Variants in RGS6 observed in about 807,000 individuals in gnomAD.
RGS6 encodes regulator of G protein signaling 6.
In RGS6, 30 loss-of-function variants were observed where a neutral mutation model predicts 78.5. The observed-to-expected ratio is 0.38, with a 90% CI of 0.29 to 0.52. The LOEUF is 0.52. Among genes scored for constraint, RGS6 ranks in the 20% least tolerant of loss-of-function variants. The pLI is 0.85. For missense variants in RGS6, 495 were observed against 609.7 expected (o/e 0.81, Z 1.98); for synonymous variants, 206 against 206.0 (o/e 1.00, Z 0.00).
chr14:72,579,921 A>G, the RGS6 span, among the ~76,000 whole-genome samples: 1 of 152,196 alleles, frequency 6.6e-6, no homozygotes, highest in African/African-American at 2.4e-5. Flanking sequence ...CACGAATTGA[A>G]TCATAGAGAT....
At chr14:72,217,185 C>T (rs774683033) in intron 2 of RGS6, among the ~76,000 whole-genome samples, 18 of 152,050 alleles carry the variant, frequency 1.2e-4, no homozygotes, top group Non-Finnish European at 2.2e-4. Context: ...TAGCATTAGC[C>T]GTCTGTGGTG....
intron 2 of RGS6, among the ~76,000 whole-genome samples, chr14:72,346,724 G>A (rs1415875237): frequency 6.6e-6 from 1 of 152,186 alleles, no homozygotes; most frequent in Non-Finnish European, 1.5e-5. Context: ...ACTTGTCCCA[G>A]GTCAACACAG....
intron 2 of RGS6, among the ~76,000 whole-genome samples, chr14:72,207,136 T>C (rs1436145065): frequency 6.6e-6 from 1 of 152,232 alleles, no homozygotes; most frequent in Non-Finnish European, 1.5e-5. Flanking sequence ...ATGTAATCTC[T>C]CTGCCCAAAT....
the RGS6 span, among the ~76,000 whole-genome samples, chr14:72,599,180 A>C: frequency 3.9e-5 from 6 of 152,074 alleles, no homozygotes; most frequent in East Asian, 9.6e-4. Flanking sequence ...CCCCAACAAA[A>C]TTTTAGATGG....
At chr14:72,012,107 A>G (rs902248754) in intron 2 of RGS6, among the ~76,000 whole-genome samples, 6 of 152,360 alleles carry the variant, frequency 3.9e-5, no homozygotes, top group African/African-American at 1.2e-4. Context: ...TAGGCATTTT[A>G]TAAATAGTCT....
At chr14:71,906,891 A>G in the RGS6 span, among the ~76,000 whole-genome samples, 1 of 145,306 alleles carries the variant, frequency 6.9e-6, no homozygotes, top group Non-Finnish European at 1.5e-5. Flanking sequence ...TCCCACCAAA[A>G]TGACTAAGGC....
chr14:72,322,519 A>C (rs1315066699), intron 2 of RGS6, among the ~76,000 whole-genome samples: 1 of 152,112 alleles, frequency 6.6e-6, no homozygotes, highest in Non-Finnish European at 1.5e-5. Flanking sequence ...ATTTAAACCA[A>C]GTGAAAGCAT....
chr14:71,948,740 CTTTT>C (rs71305831), intron 1 of RGS6, among the ~76,000 whole-genome samples: 21 of 65,162 alleles, frequency 3.2e-4, no homozygotes, highest in South Asian at 9.0e-4. Flanking sequence ...CTCTCTCTCT[CTTTT>C]TTTTTTTTTT....
At chr14:71,890,241 G>T in the RGS6 span, among the ~76,000 whole-genome samples, 2 of 152,186 alleles carry the variant, frequency 1.3e-5, no homozygotes, top group African/African-American at 4.8e-5. Flanking sequence ...TCATTTTAAT[G>T]CTACGTGGAA....
intron 2 of RGS6, among the ~76,000 whole-genome samples, chr14:72,272,869 C>A (rs2060146156): frequency 6.6e-6 from 1 of 152,192 alleles, no homozygotes; most frequent in Non-Finnish European, 1.5e-5. Flanking sequence ...AATCCCAACA[C>A]TTAGGGAGGC....
chr14:71,921,120 C>G, the RGS6 span, among the ~76,000 whole-genome samples: 3 of 152,266 alleles, frequency 2.0e-5, no homozygotes, highest in Admixed American at 6.5e-5. Flanking sequence ...CATCACTAAT[C>G]ATCAGAGAAA....
chr14:72,213,463 ACCC>A (rs1198931844), intron 2 of RGS6, among the ~76,000 whole-genome samples: 2 of 151,980 alleles, frequency 1.3e-5, no homozygotes, highest in Admixed American at 1.3e-4. Context: ...CTGAACGTTT[ACCC>A]CCCTGTGATC....
rs534237517 is a variant in RGS6 at position 72,341,506 on chromosome 14, T to C, written c.85-10589T>C. On this transcript the variant is annotated intron_variant, in intron 2 of 17. Transcript: ENST00000553525. Reference sequence around the variant, plus strand: ...CAAGTTTCCTGGAGGAAGTAGCTTTTGAGCAGGGCCTAGAAGCATGCCAAG... The same window carrying C: ...CAAGTTTCCTGGAGGAAGTAGCTTTCGAGCAGGGCCTAGAAGCATGCCAAG... Among the ~76,000 whole-genome samples the C allele has an allele frequency of 9.5e-4, 144 of 152,324 alleles. 1 individual carries two copies. Among genetic ancestry groups the C allele is most frequent in the African/African-American group, 3.2e-3 (135 of 41,566 alleles).
intron 2 of RGS6, among the ~76,000 whole-genome samples, chr14:72,152,408 A>G (rs2096707951): frequency 6.6e-6 from 1 of 152,110 alleles, no homozygotes; most frequent in Non-Finnish European, 1.5e-5. Context: ...AGAGGGTAGT[A>G]CGTTCCAAAT....
At chr14:72,629,929 C>T in the RGS6 span, among the ~76,000 whole-genome samples, 1 of 152,274 alleles carries the variant, frequency 6.6e-6, no homozygotes, top group African/African-American at 2.4e-5. Context: ...AAGGGCAAAA[C>T]AGAGATATAA....
intron 2 of RGS6, among the ~76,000 whole-genome samples, chr14:72,196,165 G>A (rs1308286475): frequency 6.6e-6 from 1 of 152,148 alleles, no homozygotes; most frequent in African/African-American, 2.4e-5. Context: ...TGGACATACA[G>A]CCTCTGGTAC....
chr14:72,191,965 G>A (rs2097331627), intron 2 of RGS6, among the ~76,000 whole-genome samples: 1 of 152,162 alleles, frequency 6.6e-6, no homozygotes, highest in African/African-American at 2.4e-5. Context: ...GGTGTCCTCA[G>A]GGTGGTGCGT....
At chr14:72,211,224 G>A (rs559120136) in intron 2 of RGS6, among the ~76,000 whole-genome samples, 1 of 152,332 alleles carries the variant, frequency 6.6e-6, no homozygotes, top group South Asian at 2.1e-4. Flanking sequence ...GGATACAGAG[G>A]TATCACAGAA....
chr14:72,554,958 A>G (rs1406642263), intron 17 of RGS6, among the ~76,000 whole-genome samples: 3 of 152,176 alleles, frequency 2.0e-5, no homozygotes, highest in Non-Finnish European at 2.9e-5. Context: ...GGGGCCATGG[A>G]GAAAGGTCCC....
Sources: allele counts gnomAD v4.1 joint callset (sites outside exome capture counted in the v4.1 genomes callset), GRCh38; gene constraint gnomAD v4.1.1; transcripts MANE v1.5; gene names NCBI Gene and HGNC (gene_info 2026-07-23, HGNC 2026-07-21).